Variants in SUMF1 observed in about 807,000 individuals in gnomAD.
The protein encoded by SUMF1 is formylglycine-generating enzyme.
In SUMF1, 48 loss-of-function variants were observed where a neutral mutation model predicts 47.6. The ratio of observed to expected loss-of-function variants is 1.01; its 90% CI spans 0.80 to 1.28. SUMF1 has a LOEUF of 1.28. SUMF1 is among the 50% of genes most tolerant of loss of function. The pLI is 0.00. For missense variants in SUMF1, 571 were observed against 485.4 expected (o/e 1.18, Z -1.66); for synonymous variants, 230 against 192.1 (o/e 1.20, Z -1.63).
intron 8 of SUMF1, among the ~76,000 whole-genome samples, chr3:4,372,208 G>A (rs564384073): frequency 6.6e-6 from 1 of 152,286 alleles, no homozygotes; most frequent in Admixed American, 6.5e-5. Flanking sequence ...AGCTGAGGCA[G>A]GAGAAATGCT....
chr3:4,230,545 G>C (rs774689863), intron 8 of SUMF1, among the ~76,000 whole-genome samples: 1 of 152,082 alleles, frequency 6.6e-6, no homozygotes, highest in African/African-American at 2.4e-5. Flanking sequence ...CAGGTGTGTG[G>C]AGCTTCCGTG....
intron 8 of SUMF1, among the ~76,000 whole-genome samples, chr3:4,338,921 T>C (rs1168557476): frequency 6.6e-6 from 1 of 152,186 alleles, no homozygotes; most frequent in Non-Finnish European, 1.5e-5. Flanking sequence ...CCTGGCGGAC[T>C]GGGACCAGGT....
Position 4,365,331 on chromosome 3 carries a change from T to C in SUMF1, c.1015-3077A>G, listed in dbSNP as rs1283227317. On this transcript the variant is annotated intron_variant, in intron 8 of 8. Transcript: ENST00000272902. The stretch of plus-strand genomic sequence containing the variant: ...GACAGTGGGGTGTTAAAGTCTCCCA[T>C]TATTATTGTGTGGGAGTCTAAGTCT... 9.8e-5 allele frequency among the ~76,000 whole-genome samples: 12 copies of C among 122,302 alleles called. 4 individuals are homozygous for C. The highest frequency in any genetic ancestry group is 9.6e-5 in the Non-Finnish European group (5 of 52,020). The allele number at this position is 122,302 out of a possible 152,430, so 80.2% of individuals were successfully genotyped here. A position where few individuals can be genotyped will look rare whatever the true frequency, so the allele number is the denominator to read the frequency against.
At chr3:4,339,193 G>T (rs1699217578) in intron 8 of SUMF1, among the ~76,000 whole-genome samples, 1 of 152,116 alleles carries the variant, frequency 6.6e-6, no homozygotes, top group Admixed American at 6.6e-5. Flanking sequence ...CCTCTCTTGG[G>T]ACACCTCCCA....
At chr3:4,361,072 C>A (rs536280471), downstream of SUMF1, 4 of 152,102 alleles carry the variant, frequency 2.6e-5, no homozygotes, top group African/African-American at 7.2e-5. Flanking sequence ...AAATAAAACA[C>A]GCATATCACA....
intron 8 of SUMF1, among the ~76,000 whole-genome samples, chr3:4,281,355 G>C (rs144454810): frequency 6.6e-6 from 1 of 152,214 alleles, no homozygotes; most frequent in African/African-American, 2.4e-5. Flanking sequence ...GTGAGAGAGA[G>C]AGAAAAAGCC....
chr3:4,180,367 A>G (rs138455194), intron 8 of SUMF1, among the ~76,000 whole-genome samples: 1 of 152,282 alleles, frequency 6.6e-6, no homozygotes, highest in East Asian at 1.9e-4. Flanking sequence ...TGCAGCCATA[A>G]AAAAGGATGA....
At chr3:4,369,691 G>C (rs180968899) in intron 8 of SUMF1, among the ~76,000 whole-genome samples, 1 of 152,170 alleles carries the variant, frequency 6.6e-6, no homozygotes, top group Non-Finnish European at 1.5e-5. Flanking sequence ...GCCAATACAG[G>C]TTGCTTAAAT....
At chr3:4,189,085 T>C (rs1695261805) in intron 8 of SUMF1, among the ~76,000 whole-genome samples, 1 of 152,138 alleles carries the variant, frequency 6.6e-6, no homozygotes, top group Admixed American at 6.6e-5. Context: ...AATCAGAACA[T>C]GGTAGAATGA....
intron 8 of SUMF1, among the ~76,000 whole-genome samples, chr3:4,125,109 T>TA (rs1379769764): frequency 1.3e-5 from 2 of 152,100 alleles, no homozygotes; most frequent in African/African-American, 2.4e-5. Context: ...TACTTCTTAA[T>TA]AAAAAAACTT....
intron 1 of SUMF1, among the ~76,000 whole-genome samples, chr3:4,461,798 A>T (rs534300636): frequency 6.6e-5 from 10 of 152,346 alleles, no homozygotes; most frequent in Non-Finnish European, 1.5e-4. Flanking sequence ...GTCAAATGTC[A>T]TTCAAGTGAA....
intron 8 of SUMF1, among the ~76,000 whole-genome samples, chr3:4,110,696 A>G (rs1270459832): frequency 6.6e-6 from 1 of 151,856 alleles, no homozygotes; most frequent in Non-Finnish European, 1.5e-5. Flanking sequence ...CTTTGTAGGG[A>G]CAGGGATGAA....
intron 8 of SUMF1, among the ~76,000 whole-genome samples, chr3:4,128,434 C>T (rs537126782): frequency 6.6e-6 from 1 of 152,246 alleles, no homozygotes; most frequent in East Asian, 1.9e-4. Flanking sequence ...GTGGCAACAT[C>T]CCCTAACCAA....
intron 8 of SUMF1, among the ~76,000 whole-genome samples, chr3:4,322,425 C>T (rs1698856642): frequency 6.6e-6 from 1 of 151,884 alleles, no homozygotes; most frequent in Non-Finnish European, 1.5e-5. Context: ...ATATATAGGA[C>T]CTTTCTGTAT....
chr3:4,357,462 T>C (rs969727231), downstream of SUMF1, among the ~76,000 whole-genome samples: 3 of 151,940 alleles, frequency 2.0e-5, no homozygotes, highest in South Asian at 2.1e-4. Context: ...GGATGAAATT[T>C]CAGTCATTAT....
chr3:4,217,313 A>G (rs1183732434), intron 8 of SUMF1, among the ~76,000 whole-genome samples: 1 of 150,062 alleles, frequency 6.7e-6, no homozygotes, highest in African/African-American at 2.5e-5. Context: ...GAGTTGAACA[A>G]TGAGAACACA....
chr3:4,246,331 G>A (rs1323789930), intron 8 of SUMF1, among the ~76,000 whole-genome samples: 6 of 152,040 alleles, frequency 3.9e-5, no homozygotes, highest in Admixed American at 1.3e-4. Flanking sequence ...GAAATCACCC[G>A]TTTTCTGTGT....
chr3:4,164,838 A>G (rs1465637689), intron 8 of SUMF1, among the ~76,000 whole-genome samples: 1 of 152,044 alleles, frequency 6.6e-6, no homozygotes, highest in South Asian at 2.1e-4. Flanking sequence ...GGATAAATTG[A>G]CCCTTGAGTG....
intron 8 of SUMF1, among the ~76,000 whole-genome samples, chr3:4,157,978 T>C (rs1559520234): frequency 6.6e-6 from 1 of 151,638 alleles, no homozygotes; most frequent in East Asian, 1.9e-4. Context: ...ATGAGGAAGT[T>C]TAATATATCA....
Sources: gnomAD v4.1 joint callset for allele counts (sites outside exome capture counted in the v4.1 genomes callset) on GRCh38, gnomAD v4.1.1 for gene constraint, MANE v1.5 for transcripts, NCBI Gene and HGNC (gene_info 2026-07-23, HGNC 2026-07-21) for gene names.